Variants in GPC5 observed in about 807,000 individuals in gnomAD.
GPC5 encodes glypican 5, also known as glypican-5.
GPC5 carries 47 observed loss-of-function variants against 53.9 expected under a neutral mutation model. The ratio of observed to expected loss-of-function variants is 0.87; its 90% CI spans 0.69 to 1.11. The LOEUF is 1.11. GPC5 is among the 50% of genes most tolerant of loss of function. The pLI is 0.00. For missense variants in GPC5, 748 were observed against 713.1 expected (o/e 1.05, Z -0.56); for synonymous variants, 286 against 263.3 (o/e 1.09, Z -0.84).
chr13:91,565,002 G>GA (rs1555324940), intron 2 of GPC5, among the ~76,000 whole-genome samples: 1 of 149,794 alleles, frequency 6.7e-6, no homozygotes, highest in Non-Finnish European at 1.5e-5. Context: ...TTGGGGGGGG[G>GA]TCGGTGGGAC....
At chr13:92,231,367 A>G (rs2042528973) in intron 7 of GPC5, among the ~76,000 whole-genome samples, 1 of 152,168 alleles carries the variant, frequency 6.6e-6, no homozygotes, top group African/African-American at 2.4e-5. Context: ...ATAATCATTT[A>G]TACGGCCATT....
chr13:92,009,635 C>T (rs112949937), intron 6 of GPC5, among the ~76,000 whole-genome samples: 9 of 152,196 alleles, frequency 5.9e-5, no homozygotes, highest in African/African-American at 1.9e-4. Flanking sequence ...GGTTTTTCTC[C>T]TTGTAGCTTT....
chr13:91,663,521 G>C (rs1229810588), intron 2 of GPC5, among the ~76,000 whole-genome samples: 2 of 152,118 alleles, frequency 1.3e-5, no homozygotes, highest in East Asian at 3.9e-4. Flanking sequence ...GCAGTGGCAT[G>C]TTCAAAGCTC....
intron 4 of GPC5, among the ~76,000 whole-genome samples, chr13:91,733,580 C>T (rs571644480): frequency 2.6e-5 from 4 of 152,310 alleles, no homozygotes; most frequent in South Asian, 4.1e-4. Context: ...GTTTTATTCT[C>T]TTTGTAGCAA....
chr13:92,494,154 A>G (rs961243195), intron 7 of GPC5, among the ~76,000 whole-genome samples: 1 of 151,312 alleles, frequency 6.6e-6, no homozygotes, highest in African/African-American at 2.4e-5. Context: ...CAGTGGCGCG[A>G]TCTCGGCTCA....
At chr13:91,792,502 T>A (rs1016157331) in intron 5 of GPC5, among the ~76,000 whole-genome samples, 2 of 152,210 alleles carry the variant, frequency 1.3e-5, no homozygotes, top group Non-Finnish European at 2.9e-5. Context: ...GAGTGACCAC[T>A]CTGACTTTCA....
Position 91,550,652 on chromosome 13 carries a change from G to A in GPC5, c.325+101730G>A, listed in dbSNP as rs78803565. Among the ~76,000 whole-genome samples the A allele has an allele frequency of 7.0e-3, 1,066 of 152,140 alleles. 6 individuals are homozygous for A. Among genetic ancestry groups the A allele is most frequent in the African/African-American group, 0.015 (610 of 41,522 alleles). On this transcript the variant is annotated intron_variant, in intron 2 of 7. Transcript: ENST00000377067. Reference sequence around the variant, plus strand: ...GAATTGTAGTTCATTAAGAAGTAGCGTGGCCTTGAATAAAATTTTTTGATT... The same window carrying A: ...GAATTGTAGTTCATTAAGAAGTAGCATGGCCTTGAATAAAATTTTTTGATT...
At chr13:91,938,812 A>G (rs1227689401) in intron 6 of GPC5, among the ~76,000 whole-genome samples, 3 of 152,168 alleles carry the variant, frequency 2.0e-5, no homozygotes, top group Non-Finnish European at 4.4e-5. Flanking sequence ...TATTAAATAC[A>G]TATTGGTATA....
chr13:91,551,090 A>G, intron 2 of GPC5, among the ~76,000 whole-genome samples: 1 of 152,110 alleles, frequency 6.6e-6, no homozygotes, highest in East Asian at 1.9e-4. Flanking sequence ...ATCCTGGGTT[A>G]TTGTGAGGAC....
Position 92,111,570 on chromosome 13 carries a change from G to T in GPC5, c.1402-33260G>T, listed in dbSNP as rs533482252. ...TGTTTCTTCTTGATAGACTTATTTT[G>T]CCCTCTGCCCCACAAAAAAAAAATG... On this transcript the variant is annotated intron_variant, in intron 6 of 7. Coordinates refer to ENST00000377067, the MANE Select transcript of GPC5 (RefSeq NM_004466.6). Among the ~76,000 whole-genome samples the T allele has an allele frequency of 2.2e-5, 3 of 133,626 alleles. No homozygotes were observed. The East Asian group carries it at 6.0e-4, about 27-fold the overall frequency. The allele number at this position is 133,626 out of a possible 152,430, so 87.7% of individuals were successfully genotyped here. A position where few individuals can be genotyped will look rare whatever the true frequency, so the allele number is the denominator to read the frequency against.
intron 7 of GPC5, among the ~76,000 whole-genome samples, chr13:92,506,035 A>T (rs1437629722): frequency 6.6e-6 from 1 of 152,144 alleles, no homozygotes; most frequent in Non-Finnish European, 1.5e-5. Flanking sequence ...TTCTTTTCGG[A>T]GTTGGTGGCT....
chr13:91,672,772 C>CA (rs1453299198), intron 2 of GPC5, among the ~76,000 whole-genome samples: 6 of 152,186 alleles, frequency 3.9e-5, no homozygotes, highest in African/African-American at 1.2e-4. Flanking sequence ...ACTATAAAGA[C>CA]ACATGCATAC....
At chr13:92,752,611 G>A (rs1405340673) in intron 7 of GPC5, among the ~76,000 whole-genome samples, 1 of 152,070 alleles carries the variant, frequency 6.6e-6, no homozygotes, top group Non-Finnish European at 1.5e-5. Context: ...CCAGACAGTG[G>A]GCGCAGGTCA....
intron 4 of GPC5, 106 bp downstream of exon 4, chr13:91,728,771 A>G: frequency 2.0e-6 from 2 of 999,222 alleles, no homozygotes; most frequent in Non-Finnish European, 2.7e-6. Context: ...AATATGGACA[A>G]AAAAAAAAAG....
intron 6 of GPC5, among the ~76,000 whole-genome samples, chr13:92,144,538 C>T (rs1167309350): frequency 6.6e-6 from 1 of 152,100 alleles, no homozygotes; most frequent in Admixed American, 6.6e-5. Flanking sequence ...ACAAAGGATC[C>T]TCTAGACAAA....
chr13:92,261,469 G>T (rs182152844), intron 7 of GPC5, among the ~76,000 whole-genome samples: 1 of 151,710 alleles, frequency 6.6e-6, no homozygotes, highest in Admixed American at 6.6e-5. Context: ...TGTAGTGAAT[G>T]GTTCAGTTTC....
At chr13:91,612,277 T>C (rs1193746445) in intron 2 of GPC5, among the ~76,000 whole-genome samples, 1 of 152,196 alleles carries the variant, frequency 6.6e-6, no homozygotes, top group Admixed American at 6.5e-5. Flanking sequence ...ATCTCTTATA[T>C]ATACTCTTCA....
At chr13:91,502,289 C>T (rs1884682538) in intron 2 of GPC5, among the ~76,000 whole-genome samples, 1 of 151,980 alleles carries the variant, frequency 6.6e-6, no homozygotes, top group African/African-American at 2.4e-5. Context: ...GTTGCCATTG[C>T]TTTTGGTGTT....
chr13:92,818,415 C>A (rs1449878646), intron 7 of GPC5, among the ~76,000 whole-genome samples: 2 of 151,794 alleles, frequency 1.3e-5, no homozygotes, highest in African/African-American at 4.9e-5. Context: ...AGCCTTTAAT[C>A]TAAGTAAAAA....
Sources: gnomAD v4.1 joint callset for allele counts (sites outside exome capture counted in the v4.1 genomes callset) on GRCh38, gnomAD v4.1.1 for gene constraint, MANE v1.5 for transcripts, NCBI Gene and HGNC (gene_info 2026-07-23, HGNC 2026-07-21) for gene names.